Variants in DAB2IP observed in about 807,000 individuals in gnomAD.
The protein encoded by DAB2IP is DAB2 interacting protein, also known as disabled homolog 2-interacting protein.
DAB2IP carries 28 observed loss-of-function variants against 107.2 expected under a neutral mutation model. The ratio of observed to expected loss-of-function variants is 0.26; its 90% CI spans 0.19 to 0.36. The LOEUF (loss-of-function observed/expected upper bound fraction) is 0.36. Among genes scored for constraint, DAB2IP ranks in the 10% least tolerant of loss-of-function variants. The probability of loss-of-function intolerance (pLI) is 1.00; values close to 1 mark genes in which losing one functional copy is unlikely to be tolerated. For synonymous variants in DAB2IP, 755 were observed against 706.4 expected (o/e 1.07, Z -1.09); for missense variants, 1,400 against 1,644.7 (o/e 0.85, Z 2.57).
rs1172682012 is a variant in DAB2IP at position 121,701,372 on chromosome 9, A to C, written c.362+1914A>C. Among the ~76,000 whole-genome samples, 8 of 152,206 alleles carry C rather than the reference A, an allele frequency of 5.3e-5. No individual in the cohort carries two copies. Among genetic ancestry groups the C allele is most frequent in the Non-Finnish European group, 1.2e-4 (8 of 68,032 alleles). On this transcript the variant is annotated intron_variant, in intron 3 of 15. Coordinates refer to ENST00000408936, the Ensembl canonical transcript of DAB2IP. The surrounding 1 kb of genome is among the most constrained non-coding windows in gnomAD (Gnocchi z 4.7). ...TCAGGTCAGCCTTGCCACATGCTGA[A>C]GGGGCGCAGAGTGGGGGTTGGGAGT... is the stretch of plus-strand genomic sequence containing the variant.
intron 1 of DAB2IP, among the ~76,000 whole-genome samples, chr9:121,582,181 A>C (rs1830210778): frequency 6.6e-6 from 1 of 152,200 alleles, no homozygotes; most frequent in South Asian, 2.1e-4. Flanking sequence ...GTCTCAGCAC[A>C]AACGGGCCAT....
chr9:121,596,286 G>A lies in DAB2IP; in HGVS notation c.40+29058G>A, dbSNP rs375305319. Among the ~76,000 whole-genome samples, 25 of 152,192 alleles carry A rather than the reference G, an allele frequency of 1.6e-4. No individual in the cohort carries two copies. The East Asian group carries it at 2.9e-3, about 18-fold the overall frequency. On this transcript the variant is annotated intron_variant, in intron 1 of 16. Transcript: ENST00000259371. ...ACAGAGGTTGCGGTGAACTGAGATC[G>A]TGCCATTGCACTCCAGCCTGGGCAA...
chr9:121,665,694 A>G (rs1449693775), intron 1 of DAB2IP, among the ~76,000 whole-genome samples: 3 of 152,250 alleles, frequency 2.0e-5, no homozygotes, highest in Non-Finnish European at 4.4e-5. Context: ...TTCAAGCTCT[A>G]TCGCATATGT....
chr9:121,638,002 C>A (rs915764933), intron 1 of DAB2IP, among the ~76,000 whole-genome samples: 7 of 152,074 alleles, frequency 4.6e-5, no homozygotes, highest in African/African-American at 1.2e-4. Flanking sequence ...AATGGTGACA[C>A]CCCCCTCCCC....
At chr9:121,680,538 GGTGAC>G (rs1828529392) in intron 2 of DAB2IP, among the ~76,000 whole-genome samples, 1 of 152,052 alleles carries the variant, frequency 6.6e-6, no homozygotes, top group Non-Finnish European at 1.5e-5. Context: ...CTGGGACAAG[GGTGAC>G]CCCCATCAGC....
chr9:121,730,541 G>C (rs576427256), intron 3 of DAB2IP, among the ~76,000 whole-genome samples: 2 of 152,248 alleles, frequency 1.3e-5, no homozygotes, highest in Non-Finnish European at 2.9e-5. Flanking sequence ...CCCTGGGCCA[G>C]TGTGGGTCCA....
intron 1 of DAB2IP, among the ~76,000 whole-genome samples, chr9:121,668,741 A>G (rs1051195758): frequency 6.6e-6 from 1 of 152,150 alleles, no homozygotes; most frequent in African/African-American, 2.4e-5. Context: ...TTCCATTCAT[A>G]GCCCGTCCCC....
chr9:121,590,088 C>T (rs145366245), intron 1 of DAB2IP, among the ~76,000 whole-genome samples: 1 of 151,968 alleles, frequency 6.6e-6, no homozygotes, highest in African/African-American at 2.4e-5. Context: ...TCCCTGGAAA[C>T]AGCTGTTCTC....
rs1303823796 is a variant in DAB2IP at position 121,699,117 on chromosome 9, G to A, written c.229-208G>A. Reference sequence around the variant, plus strand: ...GCGGGGGCGACGTGGCGGGCGGGGTGGGCTGGGCCGCGCTGCGCGGGCCGG... The same window carrying A: ...GCGGGGGCGACGTGGCGGGCGGGGTAGGCTGGGCCGCGCTGCGCGGGCCGG... On this transcript the variant is annotated intron_variant, in intron 2 of 15. Coordinates refer to ENST00000408936, the Ensembl canonical transcript of DAB2IP. This position sits in a 1 kb window ranked among gnomAD's most constrained non-coding sequence, Gnocchi z 6.2. Among the ~76,000 whole-genome samples, 1 of 146,154 alleles carries A rather than the reference G, an allele frequency of 6.8e-6. No homozygotes were observed. Among genetic ancestry groups the A allele is most frequent in the African/African-American group, 2.4e-5 (1 of 40,824 alleles).
intron 14 of DAB2IP, among the ~76,000 whole-genome samples, chr9:121,780,219 TCTC>T (rs901152185): frequency 6.6e-6 from 1 of 152,046 alleles, no homozygotes; most frequent in African/African-American, 2.4e-5. Flanking sequence ...GTAAATACAA[TCTC>T]CTTCCAATCT....
Position 121,760,351 on chromosome 9 carries a change from C to G in DAB2IP, c.1082C>G (p.Ala361Gly), listed in dbSNP as rs755669016. ...ACCAACCACTACCTGGGGCTGTGTGCAGCCCTCGAGCCCATCCTCAGTGCC... is the reference window on the plus strand; with the variant it reads ...ACCAACCACTACCTGGGGCTGTGTGGAGCCCTCGAGCCCATCCTCAGTGCC... The change falls in exon 6 of 16, where the codon GCA (alanine) becomes GGA (glycine). Residue 361 changes from alanine to glycine, a missense_variant. This residue lies in a region of DAB2IP where 517 missense variants were observed against 748.6 expected (regional missense o/e 0.69). Transcript: ENST00000408936. The surrounding 1 kb of genome is among the most constrained non-coding windows in gnomAD (Gnocchi z 5.9). 1 of 1,612,572 alleles carries G rather than the reference C, an allele frequency of 6.2e-7. No individual in the cohort carries two copies. Among genetic ancestry groups the G allele is most frequent in the Admixed American group, 1.7e-5 (1 of 60,026 alleles).
Position 121,761,410 on chromosome 9 carries a change from GTGT to G in DAB2IP, c.1170+972_1170+974del, listed in dbSNP as rs1385315846. On this transcript the variant is annotated intron_variant, in intron 6 of 15. Transcript: ENST00000408936. ...GTGGCAGGTGGCTGAGGGGCACCCTGTGTCAAGGTCCTAGGCCCTTAGCTCTGG... is the reference window on the plus strand; with the variant it reads ...GTGGCAGGTGGCTGAGGGGCACCCTGCAAGGTCCTAGGCCCTTAGCTCTGG... 2.0e-5 allele frequency among the ~76,000 whole-genome samples: 3 copies of G among 152,226 alleles called. No homozygotes were observed. In the East Asian group the frequency reaches 5.8e-4, roughly 29 times the overall value.
At chr9:121,625,360 C>A (rs1036551102) in intron 1 of DAB2IP, among the ~76,000 whole-genome samples, 2 of 151,890 alleles carry the variant, frequency 1.3e-5, no homozygotes, top group Non-Finnish European at 2.9e-5. Flanking sequence ...GCGCCTCAGC[C>A]CCCGAGTAGC....
At chr9:121,652,185 C>A (rs1353934240) in intron 1 of DAB2IP, among the ~76,000 whole-genome samples, 1 of 152,152 alleles carries the variant, frequency 6.6e-6, no homozygotes, top group Non-Finnish European at 1.5e-5. Context: ...CCCCACTGTG[C>A]CTCAGTTTAC....
At chr9:121,601,815 A>G (rs989615985) in intron 1 of DAB2IP, among the ~76,000 whole-genome samples, 1 of 152,176 alleles carries the variant, frequency 6.6e-6, no homozygotes, top group African/African-American at 2.4e-5. Flanking sequence ...TGGGCTGTGC[A>G]CCAAACTCAG....
intron 15 of DAB2IP, among the ~76,000 whole-genome samples, chr9:121,781,983 C>T (rs1835690788): frequency 6.6e-6 from 1 of 152,180 alleles, no homozygotes; most frequent in African/African-American, 2.4e-5. Context: ...CTTTCACTCA[C>T]CCAGGAGTAG....
intron 10 of DAB2IP, among the ~76,000 whole-genome samples, 179 bp downstream of exon 10, chr9:121,768,812 T>C (rs1834484795): frequency 6.6e-6 from 1 of 152,224 alleles, no homozygotes; most frequent in Non-Finnish European, 1.5e-5. Flanking sequence ...AAATGCTATG[T>C]TCACTCAGCA....
At chr9:121,647,721 G>A (rs944301907), upstream of DAB2IP, among the ~76,000 whole-genome samples, 1 of 151,884 alleles carries the variant, frequency 6.6e-6, no homozygotes, top group African/African-American at 2.4e-5. Context: ...TTTAAGGAGG[G>A]GGTGCTTCAA....
chr9:121,771,849 C>T (rs2119008721), intron 11 of DAB2IP, among the ~76,000 whole-genome samples: 1 of 151,960 alleles, frequency 6.6e-6, no homozygotes, highest in Non-Finnish European at 1.5e-5. Context: ...TATCAAGCCC[C>T]CCAAGTCCTT....
Sources: gnomAD v4.1 joint callset for allele counts (sites outside exome capture counted in the v4.1 genomes callset) on GRCh38, gnomAD v4.1.1 for gene constraint, gnomAD v4.1.1 regional missense constraint, Gnocchi (gnomAD v3.1) non-coding constraint, MANE v1.5 for transcripts, NCBI Gene and HGNC (gene_info 2026-07-23, HGNC 2026-07-21) for gene names.